Variants in RPS3 observed in about 807,000 individuals in gnomAD.
RPS3 encodes ribosomal protein S3, also known as small ribosomal subunit protein uS3.
RPS3 carries 2 observed loss-of-function variants against 25.8 expected under a neutral mutation model. That is an observed-to-expected ratio of 0.08 (90% CI 0.03 to 0.24). The LOEUF is 0.24. Ranked by LOEUF, RPS3 falls within the 10% of genes least tolerant of loss-of-function variation. The probability of loss-of-function intolerance (pLI) is 1.00; values close to 1 mark genes in which losing one functional copy is unlikely to be tolerated. For missense variants in RPS3, 107 were observed against 307.1 expected (o/e 0.35, Z 4.87); for synonymous variants, 114 against 114.2 (o/e 1.00, Z 0.01).
intron 2 of RPS3, 91 bp downstream of exon 2, chr11:75,400,915 C>T: frequency 2.1e-6 from 3 of 1,436,624 alleles, no homozygotes; most frequent in Non-Finnish European, 1.8e-6. Context: ...CGGAGTCTTG[C>T]TCTGTCCCCA....
chr11:75,416,302 C>G (rs1029993433), intron 6 of RPS3, among the ~76,000 whole-genome samples: 1 of 152,126 alleles, frequency 6.6e-6, no homozygotes, highest in African/African-American at 2.4e-5. Flanking sequence ...ATTGGATTCT[C>G]CCCATCCCAA....
At chr11:75,410,338 C>G (rs1170950888), downstream of RPS3, among the ~76,000 whole-genome samples, 754 of 151,788 alleles carry the variant, frequency 5.0e-3, 1 homozygote, top group African/African-American at 0.017. Flanking sequence ...AGGCGCTCCT[C>G]ACATCCCAGA....
chr11:75,399,958 T>A, intron 1 of RPS3: 1 of 317,848 alleles, frequency 3.1e-6, no homozygotes, highest in Non-Finnish European at 5.9e-6. Context: ...AACTGGTCGT[T>A]TCTGGGTACA....
downstream of RPS3, among the ~76,000 whole-genome samples, chr11:75,409,341 A>G (rs1592028628): frequency 7.3e-6 from 1 of 136,592 alleles, no homozygotes; most frequent in African/African-American, 2.7e-5. Context: ...GGCCTTCCGC[A>G]GTGTTTGTGT....
chr11:75,403,258 A>T (rs1948237482), intron 4 of RPS3: 1 of 152,198 alleles, frequency 6.6e-6, no homozygotes, highest in Non-Finnish European at 1.5e-5. Context: ...GACCCACCAA[A>T]TGGGAAACTG....
At chr11:75,415,806 A>T (rs1428914569) in intron 6 of RPS3, among the ~76,000 whole-genome samples, 1 of 66,928 alleles carries the variant, frequency 1.5e-5, no homozygotes, top group East Asian at 5.3e-4. Context: ...ACTCCATCTC[A>T]AAAAAAAAAA....
chr11:75,410,161 G>A (rs1343959464), downstream of RPS3, among the ~76,000 whole-genome samples: 1 of 151,420 alleles, frequency 6.6e-6, no homozygotes, highest in Non-Finnish European at 1.5e-5. Flanking sequence ...TGGCCGGGCG[G>A]GGGGCTGACC....
intron 6 of RPS3, among the ~76,000 whole-genome samples, chr11:75,412,923 C>T: frequency 6.6e-6 from 1 of 152,082 alleles, no homozygotes; most frequent in Admixed American, 6.6e-5. Context: ...AGGCAAACGC[C>T]ACCATACCCA....
At chr11:75,415,390 G>A (rs1382770040) in intron 6 of RPS3, among the ~76,000 whole-genome samples, 1 of 152,164 alleles carries the variant, frequency 6.6e-6, no homozygotes, top group Non-Finnish European at 1.5e-5. Flanking sequence ...ACAGTTAAGA[G>A]CCCAGCTCTG....
In RPS3 at chr11:75,406,682, T is replaced by C. The variant is rs1042357711; in HGVS notation, c.*1072T>C. ...ACCATTTAAGTGTACACTTCTATAGTGACAGAGTTAGCCCTCTGTCCAAGG... is the reference window on the plus strand; with the variant it reads ...ACCATTTAAGTGTACACTTCTATAGCGACAGAGTTAGCCCTCTGTCCAAGG... On this transcript the variant is annotated 3_prime_UTR_variant, in exon 7 of 7. Transcript: ENST00000531188. The C allele has an allele frequency of 3.9e-5, 6 of 152,206 alleles. No individual in the cohort carries two copies. Among genetic ancestry groups the C allele is most frequent in the African/African-American group, 1.4e-4 (6 of 41,450 alleles). The allele number at this position is 152,206 out of a possible 1,614,324, so 9.4% of individuals were successfully genotyped here.
intron 6 of RPS3, among the ~76,000 whole-genome samples, chr11:75,414,427 C>G (rs571865244): frequency 6.6e-6 from 1 of 152,044 alleles, no homozygotes; most frequent in Non-Finnish European, 1.5e-5. Context: ...CTGGCTAACA[C>G]GGTGAAACCC....
chr11:75,419,236 C>T (rs1948424782), intron 6 of RPS3, among the ~76,000 whole-genome samples: 1 of 152,112 alleles, frequency 6.6e-6, no homozygotes, highest in Admixed American at 6.5e-5. Flanking sequence ...TGAAAATAAC[C>T]ATGTTTCTTT....
intron 3 of RPS3, 88 bp from the exon 4 acceptor site, chr11:75,402,264 G>T (rs772532026): frequency 2.5e-5 from 40 of 1,585,432 alleles, no homozygotes; most frequent in Non-Finnish European, 3.3e-5. Flanking sequence ...GGTGTAGAAA[G>T]TGATACTTGT....
In RPS3 at chr11:75,404,415, T is replaced by C. The variant is rs753315882; in HGVS notation, c.538+208T>C. The C allele has an allele frequency of 2.5e-6, 2 of 788,616 alleles. No individual in the cohort carries two copies. The highest frequency in any genetic ancestry group is 1.3e-5 in the South Asian group (1 of 74,080). The allele number at this position is 788,616 out of a possible 1,614,324, so 48.9% of individuals were successfully genotyped here. ...GGTTTGTCCTTGTTTTAGCCATCTGTGTACCCTTCAGTGATGACACGATGA... is the reference window on the plus strand; with the variant it reads ...GGTTTGTCCTTGTTTTAGCCATCTGCGTACCCTTCAGTGATGACACGATGA... On this transcript the variant is annotated intron_variant, in intron 5 of 6. Coordinates refer to ENST00000531188, the MANE Select transcript of RPS3 (RefSeq NM_001005.5). The surrounding 1 kb of genome is among the most constrained non-coding windows in gnomAD (Gnocchi z 4.6).
At position 75,404,420 on chromosome 11, in the gene RPS3, C is replaced by T. The variant is rs764250694; in HGVS notation, c.538+213C>T. The T allele has an allele frequency of 6.4e-6, 5 of 784,072 alleles. No homozygotes were observed. The South Asian group carries it at 6.8e-5, about 11-fold the overall frequency. 48.6% of individuals were successfully genotyped at this position (784,072 alleles called of 1,614,324 possible). A position where few individuals can be genotyped will look rare whatever the true frequency, so the allele number is the denominator to read the frequency against. On this transcript the variant is annotated intron_variant, in intron 5 of 6. Transcript: ENST00000531188. The surrounding 1 kb of genome is among the most constrained non-coding windows in gnomAD (Gnocchi z 4.6). ...GTCCTTGTTTTAGCCATCTGTGTAC[C>T]CTTCAGTGATGACACGATGACGAGT...
rs774090906 is a variant in RPS3, at chr11:75,404,125, T to C, written c.456T>C (p.Phe152=). 3.7e-6 allele frequency: 6 copies of C among 1,614,090 alleles called. No homozygotes were observed. In the Admixed American group the frequency reaches 6.7e-5, roughly 18 times the overall value. The change falls in exon 5 of 7, where the codon TTT becomes TTC. Residue 152 remains phenylalanine, a synonymous_variant. Transcript: ENST00000531188. The surrounding 1 kb of genome is among the most constrained non-coding windows in gnomAD (Gnocchi z 4.6). ...GACAGAGGGCTAAATCCATGAAGTT[T>C]GTGGATGGCCTGATGATCCACAGCG... ...LRGQRAKSMK[F]VDGLMIHSGD...
rs766698183 is a variant in RPS3, at chr11:75,399,524, C to A, written c.-24C>A. ...TTCCGCCCGCGAGCCACTTCCTTTC[C>A]TTTCAGCGGAGCGCGGCGGCAAGAT... On this transcript the variant is annotated 5_prime_UTR_variant, in exon 1 of 7. Transcript: ENST00000531188. The A allele has an allele frequency of 6.2e-7, 1 of 1,613,760 alleles. No homozygotes were observed. The highest frequency in any genetic ancestry group is 1.3e-5 in the African/African-American group (1 of 74,928).
intron 4 of RPS3, chr11:75,403,743 G>A (rs942614506): frequency 3.1e-6 from 1 of 325,982 alleles, no homozygotes; most frequent in East Asian, 5.8e-5. Flanking sequence ...GGGCCTAGAT[G>A]TCAGGGTTTC....
chr11:75,402,579 C>G (rs1948227029), intron 4 of RPS3, 133 bp downstream of exon 4: 6 of 907,166 alleles, frequency 6.6e-6, no homozygotes, highest in Non-Finnish European at 9.8e-6. Context: ...TAATAAGATA[C>G]TAAGTCATGC....
Sources: gnomAD v4.1 joint callset for allele counts (sites outside exome capture counted in the v4.1 genomes callset) on GRCh38, gnomAD v4.1.1 for gene constraint, Gnocchi (gnomAD v3.1) non-coding constraint, MANE v1.5 for transcripts, NCBI Gene and HGNC (gene_info 2026-07-23, HGNC 2026-07-21) for gene names.